The following ASIC2 variants were observed in gnomAD, a reference collection of about 807,000 sequenced individuals.
ASIC2 encodes the protein acid-sensing ion channel 2.
ASIC2 carries 25 observed loss-of-function variants against 57.3 expected under a neutral mutation model. The observed-to-expected ratio is 0.44, with a 90% CI of 0.32 to 0.61. The LOEUF (loss-of-function observed/expected upper bound fraction) is 0.61, where lower values mean the gene tolerates loss of function less well. Ranked by LOEUF, ASIC2 falls within the 20% of genes least tolerant of loss-of-function variation. ASIC2 has a pLI of 0.06. For missense variants in ASIC2, 641 were observed against 738.1 expected (o/e 0.87, Z 1.52); for synonymous variants, 319 against 307.5 (o/e 1.04, Z -0.39).
At chr17:33,490,461 T>C (rs1312610133) in intron 1 of ASIC2, among the ~76,000 whole-genome samples, 1 of 152,210 alleles carries the variant, frequency 6.6e-6, no homozygotes, top group East Asian at 1.9e-4. Flanking sequence ...CACCTTGAAT[T>C]GTAATGGTCA....
At chr17:33,226,802 T>C (rs1367863967) in intron 1 of ASIC2, among the ~76,000 whole-genome samples, 1 of 152,146 alleles carries the variant, frequency 6.6e-6, no homozygotes, top group Non-Finnish European at 1.5e-5. Context: ...GAGACAGTGC[T>C]GTCCAATAGA....
chr17:33,082,361 T>G (rs2092116259), intron 3 of ASIC2, among the ~76,000 whole-genome samples: 1 of 152,036 alleles, frequency 6.6e-6, no homozygotes, highest in Non-Finnish European at 1.5e-5. Context: ...ACCAGGCTCT[T>G]TGAAGAGAGG....
At chr17:34,033,270 TGC>T (rs1907703506) in intron 1 of ASIC2, among the ~76,000 whole-genome samples, 1 of 152,138 alleles carries the variant, frequency 6.6e-6, no homozygotes, top group Non-Finnish European at 1.5e-5. Flanking sequence ...GACTACTTGG[TGC>T]ACATCAAAAT....
chr17:33,318,679 AG>A lies in ASIC2; in HGVS notation c.556-206613del, dbSNP rs144468112. 4.5e-3 allele frequency among the ~76,000 whole-genome samples: 685 copies of A among 152,294 alleles called. 7 individuals are homozygous for A. Among genetic ancestry groups the A allele is most frequent in the African/African-American group, 0.016 (647 of 41,570 alleles). On this transcript the variant is annotated intron_variant, in intron 1 of 9. Transcript: ENST00000359872. ...CTAGTGAGAGTTCTCACCGTGAGGA[AG>A]GTAAATCCCCTGAGATCCTGGAGGT...
chr17:33,937,711 C>A (rs905659722), intron 1 of ASIC2, among the ~76,000 whole-genome samples: 1 of 152,172 alleles, frequency 6.6e-6, no homozygotes, highest in African/African-American at 2.4e-5. Flanking sequence ...ATCCACATTG[C>A]CAGGTATTCA....
At chr17:34,033,109 T>C (rs139879048) in intron 1 of ASIC2, among the ~76,000 whole-genome samples, 1 of 152,090 alleles carries the variant, frequency 6.6e-6, no homozygotes, top group Non-Finnish European at 1.5e-5. Flanking sequence ...ACCACATAGA[T>C]GGAAGTAAAG....
Position 33,996,656 on chromosome 17 carries a change from T to C in ASIC2, c.555+159322A>G, listed in dbSNP as rs543795278. ...TGTTCTTGGTGCCTCTGACAAAAAT[T>C]AATTGATAAAAAATGCAGAGGTTTA... On this transcript the variant is annotated intron_variant, in intron 1 of 9. Transcript: ENST00000359872. 9.8e-5 allele frequency among the ~76,000 whole-genome samples: 15 copies of C among 152,338 alleles called. No homozygotes were observed. The South Asian group carries it at 2.5e-3, about 25-fold the overall frequency.
chr17:33,692,808 T>C (rs549790306), intron 1 of ASIC2, among the ~76,000 whole-genome samples: 172 of 152,338 alleles, frequency 1.1e-3, no homozygotes, highest in Admixed American at 2.3e-3. Flanking sequence ...ACAACAGCTA[T>C]GACACCACTA....
At chr17:33,543,728 T>G (rs1915493762) in intron 1 of ASIC2, among the ~76,000 whole-genome samples, 1 of 152,190 alleles carries the variant, frequency 6.6e-6, no homozygotes, top group Non-Finnish European at 1.5e-5. Flanking sequence ...ACACAAGCCT[T>G]GTTATTCTGC....
intron 1 of ASIC2, among the ~76,000 whole-genome samples, chr17:33,817,493 G>C (rs1912619671): frequency 6.6e-6 from 1 of 152,046 alleles, no homozygotes; most frequent in Non-Finnish European, 1.5e-5. Context: ...TTCCTATAAA[G>C]ACACTGTCAC....
At chr17:34,106,111 T>C (rs1243475367) in intron 1 of ASIC2, among the ~76,000 whole-genome samples, 1 of 152,104 alleles carries the variant, frequency 6.6e-6, no homozygotes, top group Non-Finnish European at 1.5e-5. Context: ...AATACAGCCC[T>C]ACTACCATTT....
intron 1 of ASIC2, among the ~76,000 whole-genome samples, chr17:34,136,674 T>C (rs1408395208): frequency 1.3e-5 from 2 of 152,260 alleles, no homozygotes; most frequent in Non-Finnish European, 2.9e-5. Context: ...CTGTAACTTC[T>C]GTCTCCCTAA....
chr17:34,017,816 A>T (rs1273026401), intron 1 of ASIC2, among the ~76,000 whole-genome samples: 1 of 152,200 alleles, frequency 6.6e-6, no homozygotes, highest in Non-Finnish European at 1.5e-5. Context: ...TGCAGAAGTA[A>T]AGTTTGAAGC....
At chr17:33,596,147 A>G (rs1452782132) in intron 1 of ASIC2, among the ~76,000 whole-genome samples, 1 of 152,126 alleles carries the variant, frequency 6.6e-6, no homozygotes, top group Non-Finnish European at 1.5e-5. Context: ...TGAGCTTTTC[A>G]CTGCTCTAGC....
At chr17:33,772,924 G>A (rs1911158629) in intron 1 of ASIC2, among the ~76,000 whole-genome samples, 1 of 152,208 alleles carries the variant, frequency 6.6e-6, no homozygotes, top group South Asian at 2.1e-4. Flanking sequence ...AAGTGTGGGG[G>A]CGGATTAAAA....
intron 1 of ASIC2, among the ~76,000 whole-genome samples, chr17:33,543,500 T>C (rs988624666): frequency 6.6e-5 from 10 of 152,116 alleles, no homozygotes; most frequent in African/African-American, 2.4e-4. Context: ...GAGCCCCTAT[T>C]TCAACATAGT....
At chr17:33,194,566 GA>G (rs1906552751) in intron 1 of ASIC2, among the ~76,000 whole-genome samples, 1 of 152,164 alleles carries the variant, frequency 6.6e-6, no homozygotes. Flanking sequence ...ATCTATACAT[GA>G]AATCTTGGAT....
At chr17:33,693,313 G>C (rs1412864463) in intron 1 of ASIC2, among the ~76,000 whole-genome samples, 1 of 152,160 alleles carries the variant, frequency 6.6e-6, no homozygotes, top group African/African-American at 2.4e-5. Flanking sequence ...GATGAACTTA[G>C]GGAGAATCCT....
chr17:33,882,414 G>GA (rs1040720156), intron 1 of ASIC2, among the ~76,000 whole-genome samples: 1 of 151,902 alleles, frequency 6.6e-6, no homozygotes, highest in African/African-American at 2.4e-5. Flanking sequence ...AAATTTACAA[G>GA]AAAAAAACAA....
Sources: gnomAD v4.1 joint callset for allele counts (sites outside exome capture counted in the v4.1 genomes callset) on GRCh38, gnomAD v4.1.1 for gene constraint, MANE v1.5 for transcripts, NCBI Gene and HGNC (gene_info 2026-07-23, HGNC 2026-07-21) for gene names.